ZNF274: variants seen among roughly 807,000 people sequenced by gnomAD.
ZNF274 encodes the protein neurotrophin receptor-interacting factor homolog.
A neutral mutation model predicts 42.5 loss-of-function variants in ZNF274; 23 were observed. The ratio of observed to expected loss-of-function variants is 0.54; its 90% confidence interval spans 0.39 to 0.77. The LOEUF (loss-of-function observed/expected upper bound fraction) is 0.77, where lower values mean the gene tolerates loss of function less well. Ranked by LOEUF, ZNF274 falls within the 30% of genes least tolerant of loss-of-function variation. The probability of loss-of-function intolerance (pLI) is 0.00; values close to 1 mark genes in which losing one functional copy is unlikely to be tolerated. For synonymous variants in ZNF274, 292 were observed against 305.4 expected, an observed-to-expected ratio of 0.96 and a Z score of 0.46; for missense variants, 679 against 806.5, an observed-to-expected ratio of 0.84 and a Z score of 1.91.
rs1380788577 is a variant in ZNF274, at chr19:58,211,739, C to T, written c.979+53C>T. On this transcript the variant is annotated intron_variant, in intron 7 of 7. Coordinates refer to ENST00000617501, the MANE Select transcript of ZNF274 (RefSeq NM_133502.3). The surrounding 1 kb of genome is among the most constrained non-coding windows in gnomAD (Gnocchi z 4.8). ...CTCAGGGCTGGTAGGCCACAGGAGC[C>T]CCAAGTCAGGGGTGTTCACCTTCTC... is the stretch of plus-strand genomic sequence containing the variant. The T allele has an allele frequency of 6.4e-7, 1 of 1,570,970 alleles. No individual in the cohort carries two copies. The highest frequency in any genetic ancestry group is 2.3e-5 in the East Asian group (1 of 44,268).
chr19:58,185,280 C>T (rs529597723), intron 2 of ZNF274, among the ~76,000 whole-genome samples: 33 of 151,242 alleles, frequency 2.2e-4, no homozygotes, highest in Non-Finnish European at 3.4e-4. Context: ...AAAAATTAGC[C>T]GGGCATGGTG....
At chr19:58,201,941 C>G (rs2075917155) in intron 4 of ZNF274, among the ~76,000 whole-genome samples, 1 of 152,146 alleles carries the variant, frequency 6.6e-6, no homozygotes, top group Admixed American at 6.5e-5. Flanking sequence ...GGCAGATCCT[C>G]TACTTAGGGG....
chr19:58,183,979 T>G lies in ZNF274; in HGVS notation c.14T>G (p.Leu5Arg), dbSNP rs759266824. ...AAGGAGGAAACTATGGCCTCCAGGC[T>G]TCCGACGGCCTGGTCCTGTGTGAGT... MASR[L>R]PTAWSCEPVT... is the part of the protein sequence containing the mutation. The change falls in exon 2 of 8, where the codon CTT (leucine) becomes CGT (arginine). Residue 5 changes from leucine to arginine, a missense_variant. Leu to Arg is a moderately radical substitution (Grantham distance 102). Transcript: ENST00000617501. The G allele has an allele frequency of 2.5e-6, 4 of 1,596,502 alleles. No individual in the cohort carries two copies. The highest frequency in any genetic ancestry group is 3.4e-6 in the Non-Finnish European group (4 of 1,171,424).
At chr19:58,193,247 C>T (rs958844124) in intron 4 of ZNF274, among the ~76,000 whole-genome samples, 13 of 149,588 alleles carry the variant, frequency 8.7e-5, no homozygotes, top group South Asian at 4.3e-4. Context: ...CCTGGGTTCA[C>T]GCCATTCTCC....
Position 58,212,774 on chromosome 19 carries a change from A to G in ZNF274, c.1593A>G (p.Gly531=). 1 of 1,614,038 alleles carries G rather than the reference A, an allele frequency of 6.2e-7. No homozygotes were observed. The highest frequency in any genetic ancestry group is 8.5e-7 in the Non-Finnish European group (1 of 1,179,904). Residue 531 remains glycine, a synonymous_variant, in exon 8 of 8, where the codon GGA becomes GGG. Coordinates refer to ENST00000617501, the MANE Select transcript of ZNF274 (RefSeq NM_133502.3). The surrounding 1 kb of genome is among the most constrained non-coding windows in gnomAD (Gnocchi z 4.6). ...YFSVHKKIHT[G]ERPYVCQDCG... Reference sequence around the variant, plus strand: ...CTGTGCATAAGAAAATCCATACCGGAGAGAGGCCCTATGTGTGTCAAGACT... The same window carrying G: ...CTGTGCATAAGAAAATCCATACCGGGGAGAGGCCCTATGTGTGTCAAGACT...
intron 4 of ZNF274, among the ~76,000 whole-genome samples, chr19:58,188,694 G>GTATATATA (rs71925177): frequency 0.036 from 2,647 of 74,440 alleles, 77 homozygotes; most frequent in Non-Finnish European, 0.05. Flanking sequence ...ATATGTATAT[G>GTATATATA]TATATATATA....
intron 4 of ZNF274, among the ~76,000 whole-genome samples, chr19:58,201,315 C>A (rs2075908360): frequency 6.7e-6 from 1 of 150,128 alleles, no homozygotes; most frequent in Non-Finnish European, 1.5e-5. Flanking sequence ...CCCGGCCACA[C>A]TTTTTTAAAC....
At chr19:58,192,759 G>T (rs2075792795) in intron 4 of ZNF274, among the ~76,000 whole-genome samples, 1 of 152,092 alleles carries the variant, frequency 6.6e-6, no homozygotes, top group African/African-American at 2.4e-5. Context: ...ATATTTTTTT[G>T]AGTTGAGGTC....
At chr19:58,199,123 T>C (rs545027830) in intron 4 of ZNF274, among the ~76,000 whole-genome samples, 1 of 152,210 alleles carries the variant, frequency 6.6e-6, no homozygotes, top group Admixed American at 6.5e-5. Flanking sequence ...GCTGGCACTT[T>C]GGGAGGCCGA....
At chr19:58,206,682 C>A in intron 4 of ZNF274, 38 bp from the exon 5 acceptor site, 1 of 1,515,980 alleles carries the variant, frequency 6.6e-7, no homozygotes. Context: ...TTTTCATGTG[C>A]TTGTTCTCAT....
In ZNF274 at chr19:58,212,193, G is replaced by C. The variant is rs774878874; in HGVS notation, c.1012G>C (p.Ala338Pro). 1.2e-6 allele frequency: 2 copies of C among 1,609,604 alleles called. No individual in the cohort carries two copies. The highest frequency in any genetic ancestry group is 3.3e-5 in the Admixed American group (2 of 59,704). The change falls in exon 8 of 8, where the codon GCT becomes CCT. Residue 338 changes from alanine to proline, a missense_variant. Coordinates refer to ENST00000617501, the MANE Select transcript of ZNF274 (RefSeq NM_133502.3). This position sits in a 1 kb window ranked among gnomAD's most constrained non-coding sequence, Gnocchi z 4.6. ...GACTACACTGGAAAATAAAGAGTTAGCTCCAAATTCTGACATTCCTGAGGA... is the reference window on the plus strand; with the variant it reads ...GACTACACTGGAAAATAAAGAGTTACCTCCAAATTCTGACATTCCTGAGGA... Reference protein sequence around the residue: ...WETTLENKELAPNSDIPEEEP... With the variant: ...WETTLENKELPPNSDIPEEEP...
chr19:58,188,354 C>T (rs1386075945), intron 4 of ZNF274, among the ~76,000 whole-genome samples: 1 of 151,646 alleles, frequency 6.6e-6, no homozygotes, highest in African/African-American at 2.4e-5. Flanking sequence ...GGCACGGTGG[C>T]TCATGGCTGT....
intron 4 of ZNF274, among the ~76,000 whole-genome samples, chr19:58,203,449 C>T (rs564214339): frequency 1.3e-5 from 2 of 151,968 alleles, no homozygotes; most frequent in South Asian, 4.2e-4. Context: ...CTGGGCCTGG[C>T]GGTGGGCGCC....
chr19:58,196,678 C>A (rs900816141), intron 4 of ZNF274, among the ~76,000 whole-genome samples: 6 of 152,160 alleles, frequency 3.9e-5, no homozygotes, highest in Non-Finnish European at 8.8e-5. Flanking sequence ...TCTTGAGATT[C>A]CATCCTTTGT....
At chr19:58,185,421 C>G (rs1001640879) in intron 2 of ZNF274, 3 of 151,936 alleles carry the variant, frequency 2.0e-5, no homozygotes, top group African/African-American at 7.3e-5. Context: ...GACTCTGTCT[C>G]AAAACAATAA....
chr19:58,196,177 T>G (rs1423576241), intron 4 of ZNF274, among the ~76,000 whole-genome samples: 2 of 152,146 alleles, frequency 1.3e-5, no homozygotes, highest in Admixed American at 1.3e-4. Flanking sequence ...ACAGATTTAG[T>G]CATTAGGAAA....
At position 58,202,782 on chromosome 19, in the gene ZNF274, G is replaced by A. The variant is rs145700609; in HGVS notation, c.257-3938G>A. Among the ~76,000 whole-genome samples the A allele has an allele frequency of 3.0e-3, 456 of 152,292 alleles. 5 individuals are homozygous for A. Among genetic ancestry groups the A allele is most frequent in the Non-Finnish European group, 9.7e-4 (66 of 68,030 alleles). ...CTAAAGGTCTTGGGATAGTCTATGG[G>A]TTGACATTTGGAGGACTGAGGTGCA... On this transcript the variant is annotated intron_variant, in intron 4 of 7. Transcript: ENST00000617501.
intron 2 of ZNF274, among the ~76,000 whole-genome samples, chr19:58,185,281 G>C (rs974631873): frequency 6.6e-6 from 1 of 151,440 alleles, no homozygotes; most frequent in East Asian, 1.9e-4. Flanking sequence ...AAAATTAGCC[G>C]GGCATGGTGG....
intron 4 of ZNF274, among the ~76,000 whole-genome samples, chr19:58,196,421 A>G (rs1292750034): frequency 1.3e-5 from 2 of 152,230 alleles, no homozygotes; most frequent in East Asian, 1.9e-4. Context: ...AATTAGCCAC[A>G]CATGGTGGCG....
Sources: gnomAD v4.1 joint callset for allele counts (sites outside exome capture counted in the v4.1 genomes callset) on GRCh38, gnomAD v4.1.1 for gene constraint, Gnocchi (gnomAD v3.1) non-coding constraint, MANE v1.5 for transcripts, NCBI Gene and HGNC (gene_info 2026-07-23, HGNC 2026-07-21) for gene names.